Variants in AFG2A observed in about 807,000 individuals in gnomAD.
AFG2A encodes the protein ATPase family gene 2 protein homolog A.
the AFG2A span, among the ~76,000 whole-genome samples, chr4:123,082,644 A>G: frequency 6.7e-6 from 1 of 150,066 alleles, no homozygotes; most frequent in African/African-American, 2.4e-5. Context: ...TGAATTAGCT[A>G]TTTTGGATCT....
At chr4:123,002,725 G>C in the AFG2A span, among the ~76,000 whole-genome samples, 1 of 152,076 alleles carries the variant, frequency 6.6e-6, no homozygotes, top group Non-Finnish European at 1.5e-5. Flanking sequence ...TTTCTCTCTG[G>C]CTGCCCTTAA....
the AFG2A span, among the ~76,000 whole-genome samples, chr4:123,301,322 A>G: frequency 6.6e-6 from 1 of 152,206 alleles, no homozygotes; most frequent in Non-Finnish European, 1.5e-5. Flanking sequence ...AGATTGCTTT[A>G]TTATTTGAAA....
At chr4:122,987,050 T>G in the AFG2A span, among the ~76,000 whole-genome samples, 1 of 152,210 alleles carries the variant, frequency 6.6e-6, no homozygotes. Flanking sequence ...GTTAATGAAT[T>G]GACTCTTATC....
the AFG2A span, among the ~76,000 whole-genome samples, chr4:123,075,602 A>T: frequency 3.3e-5 from 5 of 152,106 alleles, no homozygotes; most frequent in Non-Finnish European, 7.3e-5. Context: ...AGATGAGTAC[A>T]TGTTAATAGA....
the AFG2A span, among the ~76,000 whole-genome samples, chr4:123,249,231 T>G: frequency 6.6e-6 from 1 of 152,108 alleles, no homozygotes; most frequent in African/African-American, 2.4e-5. Context: ...GACAAAGAGA[T>G]AAAATGTCAT....
the AFG2A span, among the ~76,000 whole-genome samples, chr4:122,961,764 C>T: frequency 6.6e-6 from 1 of 152,214 alleles, no homozygotes; most frequent in Non-Finnish European, 1.5e-5. Context: ...TTCAGCCTCC[C>T]AAAGTGCTGG....
At chr4:123,297,005 C>T in the AFG2A span, among the ~76,000 whole-genome samples, 2 of 152,142 alleles carry the variant, frequency 1.3e-5, no homozygotes. Context: ...TCCAGTTATA[C>T]GCACAATTTT....
chr4:123,255,118 C>T, the AFG2A span, among the ~76,000 whole-genome samples: 3 of 152,172 alleles, frequency 2.0e-5, no homozygotes, highest in African/African-American at 4.8e-5. Flanking sequence ...CATGCACCAC[C>T]GTGCCCAGCT....
the AFG2A span, among the ~76,000 whole-genome samples, chr4:122,981,490 A>T: frequency 7.2e-6 from 1 of 137,984 alleles, no homozygotes; most frequent in African/African-American, 2.7e-5. Context: ...GCTTGAGATT[A>T]CTTTGACTAT....
the AFG2A span, among the ~76,000 whole-genome samples, chr4:123,147,644 A>G: frequency 1.3e-5 from 2 of 152,308 alleles, no homozygotes; most frequent in East Asian, 3.9e-4. Context: ...TTATTCCACA[A>G]ATTTTTTTTA....
At chr4:123,217,635 C>G in the AFG2A span, among the ~76,000 whole-genome samples, 1 of 152,114 alleles carries the variant, frequency 6.6e-6, no homozygotes, top group African/African-American at 2.4e-5. Context: ...GTGTCATACC[C>G]CTTCCACCCA....
chr4:123,310,083 G>T, the AFG2A span, among the ~76,000 whole-genome samples: 1 of 152,122 alleles, frequency 6.6e-6, no homozygotes, highest in East Asian at 1.9e-4. Context: ...CTTTTTATTC[G>T]CGGTAGGAGA....
chr4:123,177,912 C>A, the AFG2A span, among the ~76,000 whole-genome samples: 1 of 152,130 alleles, frequency 6.6e-6, no homozygotes, highest in Non-Finnish European at 1.5e-5. Flanking sequence ...TCTTAATGGG[C>A]TGTGTTCTGG....
the AFG2A span, among the ~76,000 whole-genome samples, chr4:123,224,679 A>C: frequency 0.023 from 3,535 of 152,234 alleles, 69 homozygotes; most frequent in African/African-American, 0.055. Context: ...ATACGTGTGC[A>C]TGTGTCTTTA....
chr4:122,949,010 G>A, the AFG2A span, among the ~76,000 whole-genome samples: 3 of 152,146 alleles, frequency 2.0e-5, no homozygotes, highest in Non-Finnish European at 2.9e-5. Flanking sequence ...AGTTTTTCAA[G>A]GGCTTAGGAG....
At chr4:122,923,269 T>A in the AFG2A span, 1 of 1,613,906 alleles carries the variant, frequency 6.2e-7, no homozygotes, top group Non-Finnish European at 8.5e-7. Context: ...CGCGGCAACC[T>A]CCGGGACTCT....
the AFG2A span, among the ~76,000 whole-genome samples, chr4:122,924,883 G>A: frequency 1.3e-5 from 2 of 152,124 alleles, no homozygotes; most frequent in African/African-American, 4.8e-5. Flanking sequence ...TTATTAAACA[G>A]ATGTGAAATT....
chr4:123,312,130 T>C, the AFG2A span, among the ~76,000 whole-genome samples: 1 of 152,218 alleles, frequency 6.6e-6, no homozygotes. Context: ...GCAAGATCAC[T>C]GCACTGTGCA....
chr4:123,314,947 G>A, the AFG2A span: 1 of 151,518 alleles, frequency 6.6e-6, no homozygotes, highest in African/African-American at 2.4e-5. Context: ...GTAGAGACAA[G>A]GTTTCACCAT....
Sources: gnomAD v4.1 joint callset for allele counts (sites outside exome capture counted in the v4.1 genomes callset) on GRCh38, gnomAD v4.1.1 for gene constraint, MANE v1.5 for transcripts, NCBI Gene and HGNC (gene_info 2026-07-23, HGNC 2026-07-21) for gene names.